The following EPS8 variants were observed in gnomAD, a reference collection of about 807,000 sequenced individuals.
The protein encoded by EPS8 is EGFR pathway substrate 8, signaling adaptor, also known as epidermal growth factor receptor kinase substrate 8.
A neutral mutation model predicts 103.8 loss-of-function variants in EPS8; 42 were observed. That is an observed-to-expected ratio of 0.40 (90% CI 0.32 to 0.52). The LOEUF is 0.52. EPS8 is among the 20% of genes least tolerant of loss of function. The pLI is 0.40. For missense variants in EPS8, 969 were observed against 1,005.1 expected (o/e 0.96, Z 0.49); for synonymous variants, 344 against 344.6 (o/e 1.00, Z 0.02).
intron 1 of EPS8, among the ~76,000 whole-genome samples, chr12:15,788,934 T>G (rs1290463774): frequency 6.6e-6 from 1 of 151,670 alleles, no homozygotes; most frequent in Admixed American, 6.6e-5. Context: ...TGGGCGCGGG[T>G]CTGCACGGGC....
chr12:15,715,987 T>G (rs1591889996), intron 1 of EPS8, among the ~76,000 whole-genome samples: 1 of 151,610 alleles, frequency 6.6e-6, no homozygotes, highest in African/African-American at 2.4e-5. Context: ...AGTACTAATA[T>G]AATTCCTCGA....
At chr12:15,681,364 G>T in intron 2 of EPS8, 62 bp from the exon 3 acceptor site, 1 of 682,304 alleles carries the variant, frequency 1.5e-6, no homozygotes, top group Non-Finnish European at 2.1e-6. Context: ...TTGGGTTAAA[G>T]TCCAATATAA....
chr12:15,672,651 T>C, intron 3 of EPS8: 1 of 394,014 alleles, frequency 2.5e-6, no homozygotes, highest in Non-Finnish European at 4.5e-6. Flanking sequence ...GATTAGTTGT[T>C]GAGGATTAAT....
chr12:15,766,666 G>A (rs1947102187), intron 1 of EPS8, among the ~76,000 whole-genome samples: 1 of 144,586 alleles, frequency 6.9e-6, no homozygotes, highest in Non-Finnish European at 1.5e-5. Flanking sequence ...CAACAAGAGT[G>A]AAACTCTGTC....
chr12:15,723,843 C>T (rs1946624751), intron 1 of EPS8, among the ~76,000 whole-genome samples: 1 of 152,086 alleles, frequency 6.6e-6, no homozygotes, highest in Non-Finnish European at 1.5e-5. Flanking sequence ...GAAGTTTACC[C>T]ACTAACCTCA....
Position 15,662,061 on chromosome 12 carries a change from G to A in EPS8, c.775C>T (p.Pro259Ser). ...TCAATGCGGGCTGCCATCATCTCAG[G>A]TGTTTCTTCCTGCTCATGATACTGC... is the stretch of plus-strand genomic sequence containing the variant. ...PRQYHEQEET[P>S]EMMAARIDRD... The change falls in exon 9 of 21, where the codon CCT becomes TCT. Residue 259 changes from proline to serine, a missense_variant. Transcript: ENST00000281172. 2.4e-5 allele frequency: 38 copies of A among 1,613,866 alleles called. No individual in the cohort carries two copies. Among genetic ancestry groups the A allele is most frequent in the Non-Finnish European group, 3.1e-5 (37 of 1,179,816 alleles).
At chr12:15,768,973 A>T (rs775680228) in intron 1 of EPS8, among the ~76,000 whole-genome samples, 2 of 152,198 alleles carry the variant, frequency 1.3e-5, no homozygotes, top group Non-Finnish European at 2.9e-5. Context: ...TGAGCTTTTA[A>T]AAAATAAAAA....
chr12:15,753,216 G>A (rs1363097888), intron 1 of EPS8, among the ~76,000 whole-genome samples: 8 of 152,156 alleles, frequency 5.3e-5, no homozygotes, highest in African/African-American at 1.2e-4. Context: ...AGAAAATTCC[G>A]AGATGTTTCT....
intron 17 of EPS8, among the ~76,000 whole-genome samples, chr12:15,633,210 A>T (rs1474999236): frequency 6.6e-6 from 1 of 152,308 alleles, no homozygotes; most frequent in Non-Finnish European, 1.5e-5. Context: ...TATTCCCCAC[A>T]AACAATCTTC....
rs769979688 is a variant in EPS8 at position 15,734,759 on chromosome 12, C to G, written c.-21-51787G>C. On this transcript the variant is annotated intron_variant, in intron 1 of 20. Transcript: ENST00000281172. The surrounding 1 kb of genome is among the most constrained non-coding windows in gnomAD (Gnocchi z 4.1). Reference sequence around the variant, plus strand: ...AAAAAAACAAAAAAGATTCTCTGCACGTAACTTTGTTAATTCCCATTTAAC... The same window carrying G: ...AAAAAAACAAAAAAGATTCTCTGCAGGTAACTTTGTTAATTCCCATTTAAC... 2.0e-5 allele frequency among the ~76,000 whole-genome samples: 3 copies of G among 152,048 alleles called. No individual in the cohort carries two copies. The highest frequency in any genetic ancestry group is 2.9e-5 in the Non-Finnish European group (2 of 67,988).
Position 15,734,673 on chromosome 12 carries a change from G to GACAGAGCGAGACTCCGT in EPS8, c.-21-51718_-21-51702dup, listed in dbSNP as rs1022087555. ...CGCGCCACTGTACTCCAGCCTGGGC[G>GACAGAGCGAGACTCCGT]ACAGAGCGAGACTCCGTACAGAGCG... On this transcript the variant is annotated intron_variant, in intron 1 of 20. Transcript: ENST00000281172. The surrounding 1 kb of genome is among the most constrained non-coding windows in gnomAD (Gnocchi z 4.1). Among the ~76,000 whole-genome samples the GACAGAGCGAGACTCCGT allele has an allele frequency of 2.6e-5, 4 of 151,938 alleles. No homozygotes were observed. Among genetic ancestry groups the GACAGAGCGAGACTCCGT allele is most frequent in the African/African-American group, 9.7e-5 (4 of 41,438 alleles).
In EPS8 at chr12:15,716,742, A is replaced by T. The variant is rs1213547121; in HGVS notation, c.-21-33770T>A. Among the ~76,000 whole-genome samples the T allele has an allele frequency of 6.6e-6, 1 of 152,188 alleles. No individual in the cohort carries two copies. On this transcript the variant is annotated intron_variant, in intron 1 of 20. Coordinates refer to ENST00000281172, the MANE Select transcript of EPS8 (RefSeq NM_004447.6). The surrounding 1 kb of genome is among the most constrained non-coding windows in gnomAD (Gnocchi z 5.0). ...ATAATCTGTAAGCTAAGATCATCAG[A>T]TCCAAAATGATGTGAGGTCACTTAC...
chr12:15,715,372 CT>C (rs1179338642), intron 1 of EPS8, among the ~76,000 whole-genome samples: 49 of 128,262 alleles, frequency 3.8e-4, no homozygotes, highest in African/African-American at 8.7e-4. Context: ...AGAGCGCTTT[CT>C]TTTTTTTTTT....
At chr12:15,729,495 T>C (rs1041235627) in intron 1 of EPS8, among the ~76,000 whole-genome samples, 8 of 152,206 alleles carry the variant, frequency 5.3e-5, no homozygotes, top group Non-Finnish European at 1.2e-4. Context: ...TTGCCCTACC[T>C]CCAAGCTCAC....
chr12:15,786,619 C>T (rs985671037), intron 1 of EPS8, among the ~76,000 whole-genome samples: 4 of 151,880 alleles, frequency 2.6e-5, no homozygotes, highest in African/African-American at 7.3e-5. Flanking sequence ...ATATAGACAC[C>T]GTATTTGTAG....
intron 1 of EPS8, among the ~76,000 whole-genome samples, chr12:15,722,607 T>C (rs1946609209): frequency 6.6e-6 from 1 of 152,204 alleles, no homozygotes; most frequent in Non-Finnish European, 1.5e-5. Context: ...TTCAGACCGC[T>C]ATAGCAAAAA....
chr12:15,638,752 C>G (rs1323780079), intron 17 of EPS8, among the ~76,000 whole-genome samples: 2 of 152,304 alleles, frequency 1.3e-5, no homozygotes, highest in Non-Finnish European at 2.9e-5. Flanking sequence ...AGATGAGGTT[C>G]TGTTTAAGAA....
intron 19 of EPS8, 101 bp downstream of exon 19, chr12:15,624,126 C>T (rs1944904981): frequency 4.4e-6 from 4 of 899,370 alleles, no homozygotes; most frequent in Admixed American, 4.1e-5. Flanking sequence ...CAGTCTGTGC[C>T]CTTATGTTTT....
In EPS8 at chr12:15,761,106, T is replaced by TAA. The variant is rs535985240; in HGVS notation, c.-22+28053_-22+28054dup. ...AAATTCATTAAAGTTGCAGTATATATAATCAAATTACAAAAATCAGTAGCA... is the reference window on the plus strand; with the variant it reads ...AAATTCATTAAAGTTGCAGTATATATAAAATCAAATTACAAAAATCAGTAGCA... On this transcript the variant is annotated intron_variant, in intron 1 of 20. Coordinates refer to ENST00000281172, the MANE Select transcript of EPS8 (RefSeq NM_004447.6). This position sits in a 1 kb window ranked among gnomAD's most constrained non-coding sequence, Gnocchi z 4.5. 9.9e-5 allele frequency among the ~76,000 whole-genome samples: 15 copies of TAA among 151,994 alleles called. No individual in the cohort carries two copies. In the East Asian group the frequency reaches 2.3e-3, roughly 24 times the overall value.
Sources: gnomAD v4.1 joint callset for allele counts (sites outside exome capture counted in the v4.1 genomes callset) on GRCh38, gnomAD v4.1.1 for gene constraint, Gnocchi (gnomAD v3.1) non-coding constraint, MANE v1.5 for transcripts, NCBI Gene and HGNC (gene_info 2026-07-23, HGNC 2026-07-21) for gene names.